COL5A1: variants seen among roughly 807,000 people sequenced by gnomAD.
The protein encoded by COL5A1 is collagen type V alpha 1 chain, also known as collagen alpha-1(V) chain.
In COL5A1, 16 loss-of-function variants were observed where a neutral mutation model predicts 263.7. The observed-to-expected ratio is 0.06, with a 90% CI of 0.04 to 0.09. The LOEUF is 0.09. Among genes scored for constraint, COL5A1 ranks in the 10% least tolerant of loss-of-function variants. The pLI is 1.00. For synonymous variants in COL5A1, 1,012 were observed against 1,004.5 expected, an observed-to-expected ratio of 1.01 and a Z score of -0.14; for missense variants, 2,036 against 2,540.5, an observed-to-expected ratio of 0.80 and a Z score of 4.27.
chr9:134,642,290 C>T lies in COL5A1; in HGVS notation c.103C>T (p.Arg35Cys). 1 of 1,110,246 alleles carries T rather than the reference C, an allele frequency of 9.0e-7. No individual in the cohort carries two copies. Among genetic ancestry groups the T allele is most frequent in the African/African-American group, 1.6e-5 (1 of 60,690 alleles). The allele number at this position is 1,110,246 out of a possible 1,614,324, so 68.8% of individuals were successfully genotyped here. A position where few individuals can be genotyped will look rare whatever the true frequency, so the allele number is the denominator to read the frequency against. ...GCTGCTGTGGGCGCCGCCTCCGAGC[C>T]GCGCAGGTAAGGGCGCCCCGGGGCG... is the stretch of plus-strand genomic sequence containing the variant. ...LLLLWAPPPS[R>C]AAQPADLLKV... Residue 35 changes from arginine (R) to cysteine (C), a missense_variant, in exon 1 of 66, where the codon CGC (arginine) becomes TGC (cysteine). Physicochemically the swap from Arg to Cys is radical, Grantham distance 180. Around this residue, in one of 3 missense-constraint regions of COL5A1, gnomAD observed 600 missense variants for 634.5 expected, o/e 0.95. Transcript: ENST00000371817. This position sits in a 1 kb window ranked among gnomAD's most constrained non-coding sequence, Gnocchi z 4.5.
At chr9:134,654,391 AGTGTGTAGGGCTGGT>A (rs1831833061) in intron 1 of COL5A1, among the ~76,000 whole-genome samples, 1 of 23,296 alleles carries the variant, frequency 4.3e-5, no homozygotes, top group African/African-American at 1.8e-4. Flanking sequence ...TAGTGCTGAG[AGTGTGTAGGGCTGGT>A]GTGTGTAGGG....
At chr9:134,718,829 G>C (rs1232000453) in intron 4 of COL5A1, among the ~76,000 whole-genome samples, 3 of 152,176 alleles carry the variant, frequency 2.0e-5, no homozygotes, top group African/African-American at 4.8e-5. Context: ...TGCTGCATCT[G>C]TGAAATGGGG....
intron 27 of COL5A1, among the ~76,000 whole-genome samples, chr9:134,778,372 A>G (rs963489762): frequency 2.0e-5 from 3 of 152,268 alleles, no homozygotes; most frequent in African/African-American, 7.2e-5. Context: ...AGTGGCCTGC[A>G]GCAGGCTGTT....
At chr9:134,808,915 G>A (rs1838404724) in intron 42 of COL5A1, 2 of 543,468 alleles carry the variant, frequency 3.7e-6, no homozygotes, top group Admixed American at 6.2e-5. Flanking sequence ...CTCACTAACT[G>A]TGCCTCAGTT....
intron 1 of COL5A1, among the ~76,000 whole-genome samples, chr9:134,667,734 A>G (rs1832403760): frequency 1.3e-5 from 2 of 152,328 alleles, no homozygotes; most frequent in South Asian, 4.1e-4. Flanking sequence ...CTTCACCTGG[A>G]AGTCCTCAGG....
intron 58 of COL5A1, 35 bp from the exon 59 acceptor site, chr9:134,822,062 G>A: frequency 6.2e-7 from 1 of 1,604,646 alleles, no homozygotes; most frequent in Non-Finnish European, 8.5e-7. Flanking sequence ...CTCCTCGTCT[G>A]AAGGTGATAA....
rs148687561 is a variant in COL5A1, at chr9:134,820,191, C to A, written c.4522C>A (p.Pro1508Thr). The change falls in exon 58 of 66, where the codon CCC becomes ACC. Residue 1508 changes from proline to threonine, a missense_variant. Physicochemically the swap from Pro to Thr is conservative, Grantham distance 38. Around this residue, in one of 3 missense-constraint regions of COL5A1, gnomAD observed 1,078 missense variants for 1,521.4 expected, o/e 0.71. Coordinates refer to ENST00000371817, the MANE Select transcript of COL5A1 (RefSeq NM_000093.5). Reference sequence around the variant, plus strand: ...GAAGGGCGACCGTGGTCTCCCTGGCCCCCAGGGCTCCTCCGGTCCTAAGGG... The same window carrying A: ...GAAGGGCGACCGTGGTCTCCCTGGCACCCAGGGCTCCTCCGGTCCTAAGGG... ...GEKGDRGLPG[P>T]QGSSGPKGEQ... 6.9e-5 allele frequency: 111 copies of A among 1,613,778 alleles called. No homozygotes were observed. Among genetic ancestry groups the A allele is most frequent in the South Asian group, 1.9e-4 (17 of 91,088 alleles).
chr9:134,646,253 T>C (rs910310153), intron 1 of COL5A1, among the ~76,000 whole-genome samples: 2 of 152,176 alleles, frequency 1.3e-5, no homozygotes, highest in Non-Finnish European at 2.9e-5. Context: ...TGAATTTTAC[T>C]CAGGGCCCTC....
At chr9:134,807,239 C>T (rs991912529) in intron 42 of COL5A1, among the ~76,000 whole-genome samples, 13 of 152,188 alleles carry the variant, frequency 8.5e-5, no homozygotes, top group South Asian at 2.1e-4. Flanking sequence ...GGCAGATAAT[C>T]GGTGCAGACC....
In COL5A1 at chr9:134,762,551, G is replaced by A. The variant is rs186505387; in HGVS notation, c.1989+573G>A. 2.6e-3 allele frequency among the ~76,000 whole-genome samples: 395 copies of A among 152,360 alleles called. 2 individuals carry two copies. The highest frequency in any genetic ancestry group is 9.3e-3 in the African/African-American group (386 of 41,586). The stretch of plus-strand genomic sequence containing the variant: ...CCACGCCGTCTTCATGTGTGGAGGC[G>A]AAGTGGGATCTCTGGGCCACAGCAC... On this transcript the variant is annotated intron_variant, in intron 19 of 65. Coordinates refer to ENST00000371817, the MANE Select transcript of COL5A1 (RefSeq NM_000093.5).
At chr9:134,813,317 A>G (rs1838612133) in intron 48 of COL5A1, among the ~76,000 whole-genome samples, 1 of 152,112 alleles carries the variant, frequency 6.6e-6, no homozygotes, top group Admixed American at 6.5e-5. Context: ...GTTCCCCTGG[A>G]CAAGAGGGAA....
Position 134,794,528 on chromosome 9 carries a change from A to G in COL5A1, c.2701-554A>G, listed in dbSNP as rs1320444134. 1.3e-5 allele frequency among the ~76,000 whole-genome samples: 2 copies of G among 152,218 alleles called. No individual in the cohort carries two copies. The highest frequency in any genetic ancestry group is 2.4e-5 in the African/African-American group (1 of 41,444). On this transcript the variant is annotated intron_variant, in intron 32 of 65. Transcript: ENST00000371817. The surrounding 1 kb of genome is among the most constrained non-coding windows in gnomAD (Gnocchi z 4.3). ...GCAAAACAACAACAGAAAAAAGAGT[A>G]TAAATTCTATTAGAGGAGAAGCCGA...
chr9:134,652,669 T>G lies in COL5A1; in HGVS notation c.109+10373T>G, dbSNP rs1252320918. 3 of 470,460 alleles carry G rather than the reference T, an allele frequency of 6.4e-6. No individual in the cohort carries two copies. The highest frequency in any genetic ancestry group is 1.3e-5 in the Non-Finnish European group (3 of 226,822). 29.1% of individuals were successfully genotyped at this position (470,460 alleles called of 1,614,324 possible). A position where few individuals can be genotyped will look rare whatever the true frequency, so the allele number is the denominator to read the frequency against. On this transcript the variant is annotated intron_variant, in intron 1 of 65. Transcript: ENST00000371817. The surrounding 1 kb of genome is among the most constrained non-coding windows in gnomAD (Gnocchi z 4.4). ...CCCAGCCCGGAGGCTGCAGGAATCG[T>G]GGGATAGAGGAAGCAAAGGTGAGAT... is the stretch of plus-strand genomic sequence containing the variant.
intron 59 of COL5A1, 31 bp downstream of exon 59, chr9:134,822,181 T>G (rs9697186): frequency 2.9e-5 from 38 of 1,301,938 alleles, no homozygotes; most frequent in African/African-American, 4.2e-5. Context: ...TGGTCATTCC[T>G]GGGAGGGCAG....
intron 32 of COL5A1, among the ~76,000 whole-genome samples, chr9:134,790,715 C>A (rs117292689): frequency 1.3e-5 from 2 of 150,980 alleles, no homozygotes; most frequent in Non-Finnish European, 2.9e-5. Flanking sequence ...CTGTCTCTAT[C>A]CAGCTGTCAT....
In COL5A1 at chr9:134,780,131, C is replaced by T. The variant is rs769239532; in HGVS notation, c.2415C>T (p.Gly805=). ...KGADGIRGLK[G]TKGEKGEDGF... ...CCGATGGCATCCGTGGTCTGAAGGG[C>T]ACAAAGGGCGAGAAGGTAAGTCTCT... Residue 805 remains glycine, a synonymous_variant, in exon 28 of 66, where the codon GGC becomes GGT. Transcript: ENST00000371817. The T allele has an allele frequency of 4.3e-6, 7 of 1,613,420 alleles. No homozygotes were observed. In the Admixed American group the frequency reaches 1.0e-4, roughly 23 times the overall value.
chr9:134,827,629 C>T (rs1263072373), intron 63 of COL5A1, among the ~76,000 whole-genome samples: 1 of 152,226 alleles, frequency 6.6e-6, no homozygotes, highest in Non-Finnish European at 1.5e-5. Context: ...GGCTGGTGTT[C>T]ACGGCACAGC....
chr9:134,673,603 T>C (rs1304226034), intron 1 of COL5A1, among the ~76,000 whole-genome samples: 1 of 152,194 alleles, frequency 6.6e-6, no homozygotes, highest in Non-Finnish European at 1.5e-5. Context: ...TTTAAAACTT[T>C]TATAAAGCAT....
At chr9:134,687,340 G>A (rs1314278313) in intron 1 of COL5A1, among the ~76,000 whole-genome samples, 1 of 152,210 alleles carries the variant, frequency 6.6e-6, no homozygotes, top group East Asian at 1.9e-4. Flanking sequence ...TGCAGAGCAG[G>A]ATGGTGCCTA....
Sources: allele counts gnomAD v4.1 joint callset (sites outside exome capture counted in the v4.1 genomes callset), GRCh38; gene constraint gnomAD v4.1.1; regional missense constraint gnomAD v4.1.1; non-coding constraint Gnocchi (gnomAD v3.1); transcripts MANE v1.5; gene names NCBI Gene and HGNC (gene_info 2026-07-23, HGNC 2026-07-21).